Variants in IGF1R observed in about 807,000 individuals in gnomAD.
IGF1R encodes insulin-like growth factor 1 receptor.
IGF1R carries 44 observed loss-of-function variants against 144.6 expected under a neutral mutation model. The ratio of observed to expected loss-of-function variants is 0.30; its 90% CI spans 0.24 to 0.39. The LOEUF is 0.39. IGF1R is among the 10% of genes least tolerant of loss of function. The pLI, the probability that IGF1R is intolerant of heterozygous loss-of-function variation, is 1.00. For missense variants in IGF1R, 1,355 were observed against 1,833.7 expected (o/e 0.74, Z 4.77); for synonymous variants, 795 against 722.8 (o/e 1.10, Z -1.60).
intron 2 of IGF1R, among the ~76,000 whole-genome samples, chr15:98,806,481 T>C (rs1222562961): frequency 1.3e-5 from 2 of 151,446 alleles, no homozygotes; most frequent in Admixed American, 1.3e-4. Flanking sequence ...TTCAACTATT[T>C]CTTGATTAAA....
At chr15:98,903,131 TG>T (rs2014568136) in intron 5 of IGF1R, among the ~76,000 whole-genome samples, 1 of 152,246 alleles carries the variant, frequency 6.6e-6, no homozygotes, top group South Asian at 2.1e-4. Flanking sequence ...AAACAGGTTT[TG>T]TAATCCACAT....
At chr15:98,653,334 TTA>T (rs1415974106) in intron 1 of IGF1R, among the ~76,000 whole-genome samples, 1 of 152,238 alleles carries the variant, frequency 6.6e-6, no homozygotes, top group Non-Finnish European at 1.5e-5. Flanking sequence ...TCCAGTTTTA[TTA>T]TGTTTTCCAA....
intron 2 of IGF1R, among the ~76,000 whole-genome samples, chr15:98,796,605 C>T (rs1221336279): frequency 3.3e-5 from 5 of 152,152 alleles, no homozygotes; most frequent in South Asian, 2.1e-4. Flanking sequence ...ATGGTCTTTG[C>T]GTAGCTGATG....
chr15:98,702,466 T>C (rs946199681), intron 1 of IGF1R, among the ~76,000 whole-genome samples: 1 of 152,180 alleles, frequency 6.6e-6, no homozygotes, highest in Admixed American at 6.5e-5. Context: ...TTCTTGGGCC[T>C]CAGCCACCCA....
At chr15:98,780,573 AAAGAGAGAGAG>A (rs1567125946) in intron 2 of IGF1R, among the ~76,000 whole-genome samples, 5 of 16,220 alleles carry the variant, frequency 3.1e-4, no homozygotes, top group East Asian at 2.5e-3. Context: ...AAAAAAAAAA[AAAGAGAGAGAG>A]AGTAAATAAA....
intron 2 of IGF1R, among the ~76,000 whole-genome samples, chr15:98,881,603 G>C (rs896379186): frequency 6.6e-6 from 1 of 152,164 alleles, no homozygotes; most frequent in Non-Finnish European, 1.5e-5. Context: ...GATTACAGGC[G>C]TGAGCCACTG....
At chr15:98,922,025 C>T (rs1768093855) in intron 10 of IGF1R, 123 bp from the exon 11 acceptor site, 1 of 1,015,266 alleles carries the variant, frequency 9.8e-7, no homozygotes, top group African/African-American at 1.6e-5. Flanking sequence ...GAGTTCTTAC[C>T]TAAGGGGGCT....
At chr15:98,887,733 G>T (rs1447814993) in intron 2 of IGF1R, among the ~76,000 whole-genome samples, 1 of 152,228 alleles carries the variant, frequency 6.6e-6, no homozygotes, top group Non-Finnish European at 1.5e-5. Flanking sequence ...GAACCTCACA[G>T]ATCCATTATA....
intron 2 of IGF1R, among the ~76,000 whole-genome samples, chr15:98,790,633 C>A (rs981505237): frequency 6.6e-5 from 10 of 152,190 alleles, no homozygotes; most frequent in African/African-American, 2.2e-4. Flanking sequence ...CCTTCTGTCT[C>A]TGTGCCTCGA....
intron 2 of IGF1R, among the ~76,000 whole-genome samples, chr15:98,813,682 A>T (rs1010072863): frequency 6.6e-6 from 1 of 152,174 alleles, no homozygotes; most frequent in African/African-American, 2.4e-5. Context: ...TACATCTTAA[A>T]ATACTTTGAG....
At chr15:98,912,995 G>A (rs776274589) in intron 7 of IGF1R, 49 bp from the exon 8 acceptor site, 1 of 1,331,266 alleles carries the variant, frequency 7.5e-7, no homozygotes, top group South Asian at 1.2e-5. Flanking sequence ...ATTTTTGAGG[G>A]TTTTGATGTC....
chr15:98,810,454 C>T (rs949427293), intron 2 of IGF1R, among the ~76,000 whole-genome samples: 3 of 152,094 alleles, frequency 2.0e-5, no homozygotes, highest in African/African-American at 7.2e-5. Context: ...GCAATACTTA[C>T]TGAATGTTGA....
intron 2 of IGF1R, among the ~76,000 whole-genome samples, chr15:98,758,098 T>C (rs1435373493): frequency 6.6e-6 from 1 of 152,228 alleles, no homozygotes. Flanking sequence ...TGGATTCTAG[T>C]AGATTCTTAT....
chr15:98,937,222 G>C (rs2016189172), intron 17 of IGF1R, among the ~76,000 whole-genome samples: 1 of 152,154 alleles, frequency 6.6e-6, no homozygotes, highest in Non-Finnish European at 1.5e-5. Flanking sequence ...GCATGAAGGA[G>C]AAAAGCTTGA....
At chr15:98,781,999 A>C (rs542351405) in intron 2 of IGF1R, among the ~76,000 whole-genome samples, 2 of 151,950 alleles carry the variant, frequency 1.3e-5, no homozygotes, top group Non-Finnish European at 2.9e-5. Flanking sequence ...TTTCCCTCCT[A>C]TTGATTTTTT....
intron 1 of IGF1R, among the ~76,000 whole-genome samples, chr15:98,666,194 A>T (rs2052733801): frequency 6.6e-6 from 1 of 152,288 alleles, no homozygotes; most frequent in African/African-American, 2.4e-5. Context: ...TAGTATGGCT[A>T]TTACCAAAAA....
At chr15:98,840,580 G>T (rs2011156093) in intron 2 of IGF1R, among the ~76,000 whole-genome samples, 1 of 152,110 alleles carries the variant, frequency 6.6e-6, no homozygotes, top group Non-Finnish European at 1.5e-5. Flanking sequence ...CTCCCAAGTG[G>T]CTGGGGACTA....
rs2017348220 is a variant in IGF1R, at chr15:98,964,425, G to C, written c.*6983G>C. On this transcript the variant is annotated 3_prime_UTR_variant, in exon 21 of 21. Transcript: ENST00000650285. ...CTTTACATAATGGAAAAAAGAAACT[G>C]TCTATTTTGAATGGCTGAAGCTAAG... 4.4e-6 allele frequency: 1 copy of C among 228,506 alleles called. No individual in the cohort carries two copies. The highest frequency in any genetic ancestry group is 1.8e-4 in the South Asian group (1 of 5,502). 14.2% of individuals were successfully genotyped at this position (228,506 alleles called of 1,614,324 possible). A position where few individuals can be genotyped will look rare whatever the true frequency, so the allele number is the denominator to read the frequency against.
chr15:98,778,758 T>G (rs1284683753), intron 2 of IGF1R, among the ~76,000 whole-genome samples: 1 of 152,220 alleles, frequency 6.6e-6, no homozygotes, highest in Admixed American at 6.5e-5. Flanking sequence ...AGCCTGGTAG[T>G]GGTGCTAGTG....
Sources: gnomAD v4.1 joint callset for allele counts (sites outside exome capture counted in the v4.1 genomes callset) on GRCh38, gnomAD v4.1.1 for gene constraint, MANE v1.5 for transcripts, NCBI Gene and HGNC (gene_info 2026-07-23, HGNC 2026-07-21) for gene names.